The following FHOD3 variants were observed in gnomAD, a reference collection of about 807,000 sequenced individuals.
The protein encoded by FHOD3 is formin homology 2 domain containing 3, also known as FH1/FH2 domain-containing protein 3.
A neutral mutation model predicts 173.0 loss-of-function variants in FHOD3; 90 were observed. That is an observed-to-expected ratio of 0.52 (90% CI 0.44 to 0.62). The LOEUF is 0.62. Among genes scored for constraint, FHOD3 ranks in the 20% least tolerant of loss-of-function variants. The probability of loss-of-function intolerance (pLI) is 0.00; values close to 1 mark genes in which losing one functional copy is unlikely to be tolerated. For synonymous variants in FHOD3, 828 were observed against 823.0 expected (o/e 1.01, Z -0.10); for missense variants, 1,945 against 2,034.7 (o/e 0.96, Z 0.85).
At chr18:36,591,113 CG>C (rs1568465503) in intron 6 of FHOD3, among the ~76,000 whole-genome samples, 1 of 152,212 alleles carries the variant, frequency 6.6e-6, no homozygotes, top group African/African-American at 2.4e-5. Context: ...CAGCCCTAAA[CG>C]TACAAAGCAC....
At chr18:36,641,906 T>C (rs913510884) in intron 10 of FHOD3, among the ~76,000 whole-genome samples, 5 of 151,642 alleles carry the variant, frequency 3.3e-5, no homozygotes, top group South Asian at 4.2e-4. Flanking sequence ...TGAGCCAAGA[T>C]TGCGCCACTG....
chr18:36,596,368 A>G (rs2030416891), intron 7 of FHOD3, among the ~76,000 whole-genome samples: 1 of 107,740 alleles, frequency 9.3e-6, no homozygotes, highest in South Asian at 3.2e-4. Context: ...TATTTTTAGT[A>G]GAGACAGGGT....
At chr18:36,724,341 G>A (rs2040943801) in intron 19 of FHOD3, among the ~76,000 whole-genome samples, 1 of 152,190 alleles carries the variant, frequency 6.6e-6, no homozygotes, top group South Asian at 2.1e-4. Context: ...GAGTTTGCAG[G>A]CTCCTGCCTC....
chr18:36,617,259 T>A (rs2033281360), intron 9 of FHOD3, among the ~76,000 whole-genome samples: 1 of 152,242 alleles, frequency 6.6e-6, no homozygotes, highest in South Asian at 2.1e-4. Context: ...AACATCTTTC[T>A]TGTAAGATGA....
chr18:36,375,419 C>T (rs2047391736), intron 3 of FHOD3, among the ~76,000 whole-genome samples: 1 of 152,286 alleles, frequency 6.6e-6, no homozygotes, highest in South Asian at 2.1e-4. Context: ...CTTCCACCCA[C>T]GATTGGACTG....
intron 10 of FHOD3, among the ~76,000 whole-genome samples, chr18:36,636,651 C>A (rs914879924): frequency 4.7e-5 from 7 of 148,882 alleles, no homozygotes; most frequent in Non-Finnish European, 1.0e-4. Flanking sequence ...AATTTCATTC[C>A]TGAGGTTTTT....
At chr18:36,741,253 C>T (rs1490033234) in intron 21 of FHOD3, among the ~76,000 whole-genome samples, 1 of 152,056 alleles carries the variant, frequency 6.6e-6, no homozygotes, top group Admixed American at 6.5e-5. Context: ...TTGCCTATTG[C>T]AAGAGTTTGG....
chr18:36,567,391 G>T (rs535305845), intron 5 of FHOD3, among the ~76,000 whole-genome samples: 19 of 152,200 alleles, frequency 1.2e-4, no homozygotes, highest in East Asian at 1.9e-4. Flanking sequence ...CCCAGGAGTT[G>T]CTCCATCCAG....
chr18:36,454,791 C>T (rs1399534265), intron 3 of FHOD3, among the ~76,000 whole-genome samples: 3 of 152,044 alleles, frequency 2.0e-5, no homozygotes, highest in Admixed American at 6.6e-5. Flanking sequence ...GAGGATATTC[C>T]AGCATCTAAC....
chr18:36,341,294 A>G (rs2045606929), intron 1 of FHOD3, among the ~76,000 whole-genome samples: 1 of 152,216 alleles, frequency 6.6e-6, no homozygotes. Context: ...GCTTTTGGCT[A>G]TAATGAACTA....
chr18:36,480,335 C>A (rs2053815760), intron 3 of FHOD3, among the ~76,000 whole-genome samples: 1 of 152,244 alleles, frequency 6.6e-6, no homozygotes, highest in Non-Finnish European at 1.5e-5. Context: ...TAAATCTGTA[C>A]AGAAATATTT....
rs376964118 is a variant in FHOD3, at chr18:36,730,726, G to T, written c.3498G>T (p.Thr1166=). 5.0e-6 allele frequency: 8 copies of T among 1,614,122 alleles called. No individual in the cohort carries two copies. Among genetic ancestry groups the T allele is most frequent in the Non-Finnish European group, 5.9e-6 (7 of 1,180,002 alleles). Reference sequence around the variant, plus strand: ...GTAACGCCATCAATATTGGTCTGACGGTGCTGCCCCCTCCAAGGACGATTA... The same window carrying T: ...GTAACGCCATCAATATTGGTCTGACTGTGCTGCCCCCTCCAAGGACGATTA... The part of the protein sequence containing the change: ...KRSNAINIGL[T]VLPPPRTIKI... Residue 1166 remains threonine (T), a synonymous_variant, in exon 20 of 29, where the codon ACG becomes ACT. Coordinates refer to ENST00000590592, the MANE Select transcript of FHOD3 (RefSeq NM_001281740.3).
Position 36,518,993 on chromosome 18 carries a change from G to A in FHOD3, c.511+6450G>A, listed in dbSNP as rs369280578. Among the ~76,000 whole-genome samples the A allele has an allele frequency of 1.6e-4, 24 of 152,308 alleles. No homozygotes were observed. The East Asian group carries it at 3.5e-3, about 22-fold the overall frequency. ...AGCTGCAGCCTGTAACTCCCTGGGAGGGGAAGGGAGGCCAAATCACCCTGT... is the reference window on the plus strand; with the variant it reads ...AGCTGCAGCCTGTAACTCCCTGGGAAGGGAAGGGAGGCCAAATCACCCTGT... On this transcript the variant is annotated intron_variant, in intron 5 of 28. Transcript: ENST00000590592.
chr18:36,648,749 G>A (rs1363876122), intron 10 of FHOD3, among the ~76,000 whole-genome samples: 1 of 152,154 alleles, frequency 6.6e-6, no homozygotes, highest in Non-Finnish European at 1.5e-5. Flanking sequence ...CTGCACCCCT[G>A]AAACACACTC....
chr18:36,617,618 T>TGTGCGTGTGTGTGC (rs2033332573), intron 9 of FHOD3, among the ~76,000 whole-genome samples: 1 of 149,102 alleles, frequency 6.7e-6, no homozygotes, highest in Non-Finnish European at 1.5e-5. Flanking sequence ...TGTGTGTGTG[T>TGTGCGTGTGTGTGC]GCAATAGTTA....
intron 3 of FHOD3, among the ~76,000 whole-genome samples, chr18:36,424,766 C>A (rs985795576): frequency 3.9e-5 from 6 of 152,202 alleles, no homozygotes; most frequent in Admixed American, 2.0e-4. Flanking sequence ...ATAAACAATT[C>A]ATAAGTTTTC....
In FHOD3 at chr18:36,677,303, G is replaced by A. The variant is rs148822976; in HGVS notation, c.1836-4133G>A. On this transcript the variant is annotated intron_variant, in intron 14 of 28. Transcript: ENST00000590592. ...CCAGTAGCTGGGATTACAGGCATGC[G>A]CCACCATGCCCAGCTAATTTTGTAT... 2.6e-4 allele frequency among the ~76,000 whole-genome samples: 40 copies of A among 152,100 alleles called. No homozygotes were observed. In the East Asian group the frequency reaches 6.2e-3, roughly 24 times the overall value.
intron 3 of FHOD3, among the ~76,000 whole-genome samples, chr18:36,488,564 G>A (rs2054306018): frequency 1.3e-5 from 2 of 152,174 alleles, no homozygotes; most frequent in Admixed American, 1.3e-4. Flanking sequence ...AGGACATTAG[G>A]TATTTTTTAG....
chr18:36,390,809 G>A (rs1358827621), intron 3 of FHOD3, among the ~76,000 whole-genome samples: 1 of 152,110 alleles, frequency 6.6e-6, no homozygotes, highest in African/African-American at 2.4e-5. Context: ...TCCCTTGAAG[G>A]GGAAGTAGGA....
Sources: gnomAD v4.1 joint callset for allele counts (sites outside exome capture counted in the v4.1 genomes callset) on GRCh38, gnomAD v4.1.1 for gene constraint, MANE v1.5 for transcripts, NCBI Gene and HGNC (gene_info 2026-07-23, HGNC 2026-07-21) for gene names.